GTF2IRD1: variants seen among roughly 807,000 people sequenced by gnomAD.
The protein encoded by GTF2IRD1 is general transcription factor II-I repeat domain-containing protein 1.
Under a neutral mutation model 113.2 loss-of-function variants are expected in GTF2IRD1, and 26 were observed. The observed-to-expected ratio is 0.23, with a 90% CI of 0.17 to 0.32. The LOEUF is 0.32. Among genes scored for constraint, GTF2IRD1 ranks in the 10% least tolerant of loss-of-function variants. The pLI, the probability that GTF2IRD1 is intolerant of heterozygous loss-of-function variation, is 1.00. For missense variants in GTF2IRD1, 864 were observed against 1,280.8 expected, an observed-to-expected ratio of 0.67 and a Z score of 4.97; for synonymous variants, 484 against 529.1, an observed-to-expected ratio of 0.91 and a Z score of 1.17.
chr7:74,496,051 CAT>C (rs58218087), intron 1 of GTF2IRD1, among the ~76,000 whole-genome samples: 15,767 of 151,718 alleles, frequency 0.1, 1,970 homozygotes, highest in East Asian at 0.38. Flanking sequence ...TGTGTGCACA[CAT>C]GTGTCTGTAT....
In GTF2IRD1 at chr7:74,535,107, C is replaced by G; in HGVS notation, c.1275-6C>G. 1 of 1,612,360 alleles carries G rather than the reference C, an allele frequency of 6.2e-7. No individual in the cohort carries two copies. The highest frequency in any genetic ancestry group is 8.5e-7 in the Non-Finnish European group (1 of 1,178,400). On this transcript the variant is annotated splice_polypyrimidine_tract_variant and splice_region_variant and intron_variant, in intron 9 of 26. Coordinates refer to ENST00000424337, the MANE Select transcript of GTF2IRD1 (RefSeq NM_005685.4). ...GTTCTCATGCCTGTCTCTCTTCTCTCCCCAGGATGTTTGATGAGCGAATTT... is the reference window on the plus strand; with the variant it reads ...GTTCTCATGCCTGTCTCTCTTCTCTGCCCAGGATGTTTGATGAGCGAATTT...
chr7:74,586,182 C>T (rs1455156951), intron 22 of GTF2IRD1, among the ~76,000 whole-genome samples: 2 of 152,166 alleles, frequency 1.3e-5, no homozygotes, highest in Non-Finnish European at 2.9e-5. Flanking sequence ...TCCTCAGTGG[C>T]ATGGGGACAG....
intron 17 of GTF2IRD1, among the ~76,000 whole-genome samples, chr7:74,548,533 G>C (rs112031258): frequency 9.3e-4 from 142 of 152,310 alleles, no homozygotes; most frequent in African/African-American, 3.3e-3. Context: ...ACTTTGGGAA[G>C]CTGAGGTGGG....
intron 14 of GTF2IRD1, among the ~76,000 whole-genome samples, chr7:74,544,482 A>T (rs1423323383): frequency 6.6e-6 from 1 of 152,220 alleles, no homozygotes; most frequent in African/African-American, 2.4e-5. Flanking sequence ...CACCGTGCCC[A>T]GCCGAGGACT....
intron 14 of GTF2IRD1, among the ~76,000 whole-genome samples, chr7:74,541,357 G>A (rs116204059): frequency 4.1e-4 from 63 of 152,092 alleles, no homozygotes; most frequent in South Asian, 3.1e-3. Context: ...CTGACACAGT[G>A]TCTCACAGCT....
Position 74,539,960 on chromosome 7 carries a change from T to C in GTF2IRD1, c.1610T>C (p.Met537Thr), listed in dbSNP as rs1554351302. The change falls in exon 14 of 27, where the codon ATG becomes ACG. Residue 537 changes from methionine (M) to threonine (T), a missense_variant. Around this residue, in one of 7 missense-constraint regions of GTF2IRD1, gnomAD observed 218 missense variants for 352.6 expected, o/e 0.62. Coordinates refer to ENST00000424337, the MANE Select transcript of GTF2IRD1 (RefSeq NM_005685.4). ...PSEDSGYGME[M>T]LTDKGLSEDA... ...GAGGATTCTGGTTATGGGATGGAGA[T>C]GCTGACAGGTAAGAAATGGACCTGG... 1.9e-6 allele frequency: 3 copies of C among 1,610,790 alleles called. No homozygotes were observed. Among genetic ancestry groups the C allele is most frequent in the Non-Finnish European group, 2.5e-6 (3 of 1,177,388 alleles).
chr7:74,483,722 T>C (rs112490430), intron 1 of GTF2IRD1, among the ~76,000 whole-genome samples: 4,223 of 151,336 alleles, frequency 0.028, 204 homozygotes, highest in African/African-American at 0.096. Context: ...CAAAACATTT[T>C]TAAAAAAATT....
intron 22 of GTF2IRD1, among the ~76,000 whole-genome samples, chr7:74,584,248 G>A (rs2130960046): frequency 6.6e-6 from 1 of 152,104 alleles, no homozygotes; most frequent in South Asian, 2.1e-4. Context: ...GTTCGAGACT[G>A]GCCTGGGCAG....
intron 22 of GTF2IRD1, among the ~76,000 whole-genome samples, chr7:74,579,120 G>A (rs1801257477): frequency 6.6e-6 from 1 of 152,028 alleles, no homozygotes; most frequent in Admixed American, 6.6e-5. Context: ...CCAGGAGTTT[G>A]AGATCAACCT....
intron 22 of GTF2IRD1, among the ~76,000 whole-genome samples, chr7:74,580,854 C>A (rs1241404878): frequency 1.3e-5 from 2 of 152,176 alleles, no homozygotes; most frequent in African/African-American, 4.8e-5. Context: ...TGAAACCCTA[C>A]ACACACTGAG....
intron 1 of GTF2IRD1, among the ~76,000 whole-genome samples, chr7:74,481,664 G>A (rs1267396801): frequency 6.6e-6 from 1 of 152,194 alleles, no homozygotes; most frequent in African/African-American, 2.4e-5. Context: ...GTTGGAATCA[G>A]CCTCTGCTGG....
intron 1 of GTF2IRD1, among the ~76,000 whole-genome samples, chr7:74,496,060 G>C (rs1322912763): frequency 2.0e-5 from 3 of 152,128 alleles, no homozygotes; most frequent in Admixed American, 6.5e-5. Context: ...ACATGTGTCT[G>C]TATGTGTGGA....
intron 1 of GTF2IRD1, among the ~76,000 whole-genome samples, chr7:74,466,616 T>G (rs1156867187): frequency 2.6e-5 from 4 of 152,170 alleles, no homozygotes; most frequent in African/African-American, 9.7e-5. Context: ...GATTTCTCGT[T>G]GCAGGTCTCA....
At chr7:74,597,369 CAG>C (rs1390128757) in intron 25 of GTF2IRD1, among the ~76,000 whole-genome samples, 1 of 118,538 alleles carries the variant, frequency 8.4e-6, no homozygotes, top group Non-Finnish European at 1.7e-5. Flanking sequence ...TCTTTCAAGA[CAG>C]AGTCTCACTC....
chr7:74,529,668 C>A, intron 8 of GTF2IRD1, 66 bp from the exon 9 acceptor site: 2 of 1,429,796 alleles, frequency 1.4e-6, no homozygotes, highest in Non-Finnish European at 1.9e-6. Flanking sequence ...GGGACCGCAG[C>A]TCCCGGGTCC....
At chr7:74,587,617 T>C (rs1801792180) in intron 22 of GTF2IRD1, among the ~76,000 whole-genome samples, 1 of 152,022 alleles carries the variant, frequency 6.6e-6, no homozygotes, top group African/African-American at 2.4e-5. Flanking sequence ...GACCCCACGC[T>C]TCTCAGAGAG....
intron 1 of GTF2IRD1, among the ~76,000 whole-genome samples, chr7:74,491,965 A>G (rs140326399): frequency 1.3e-5 from 2 of 151,526 alleles, no homozygotes; most frequent in African/African-American, 2.4e-5. Context: ...TTTCTCCACA[A>G]CCTCACCAAC....
At chr7:74,519,776 AG>A in intron 6 of GTF2IRD1, 57 bp downstream of exon 6, 1 of 1,279,330 alleles carries the variant, frequency 7.8e-7, no homozygotes. Context: ...TCACTCATGC[AG>A]GGGACAGCCT....
At chr7:74,566,006 A>AACACACACACAC (rs66556824) in intron 22 of GTF2IRD1, among the ~76,000 whole-genome samples, 1,579 of 143,208 alleles carry the variant, frequency 0.011, 9 homozygotes, top group African/African-American at 0.017. Flanking sequence ...AAGACACACA[A>AACACACACACAC]ACACACACAC....
Sources: allele counts gnomAD v4.1 joint callset (sites outside exome capture counted in the v4.1 genomes callset), GRCh38; gene constraint gnomAD v4.1.1; regional missense constraint gnomAD v4.1.1; transcripts MANE v1.5; gene names NCBI Gene and HGNC (gene_info 2026-07-23, HGNC 2026-07-21).